The following SPG7 variants were observed in gnomAD, a reference collection of about 807,000 sequenced individuals.
SPG7 encodes SPG7 matrix AAA peptidase subunit, paraplegin.
A neutral mutation model predicts 81.9 loss-of-function variants in SPG7; 103 were observed. The ratio of observed to expected loss-of-function variants is 1.26; its 90% confidence interval spans 1.07 to 1.48. SPG7 has a LOEUF of 1.48. Among genes scored for constraint, SPG7 ranks in the 40% most tolerant of loss-of-function variants. The probability of loss-of-function intolerance (pLI) is 0.00; values close to 1 mark genes in which losing one functional copy is unlikely to be tolerated. For synonymous variants in SPG7, 534 were observed against 444.2 expected, an observed-to-expected ratio of 1.20 and a Z score of -2.54; for missense variants, 1,241 against 1,087.3, an observed-to-expected ratio of 1.14 and a Z score of -1.99.
rs1457238867 is a variant in SPG7 at position 89,508,486 on chromosome 16, G to A, written c.69G>A (p.Trp23Ter). 5 of 1,509,754 alleles carry A rather than the reference G, an allele frequency of 3.3e-6. No homozygotes were observed. The allele number at this position is 1,509,754 out of a possible 1,614,324, so 93.5% of individuals were successfully genotyped here. ...RGPGPGPRPL[W>*]GPGPAWSPGF... ...CAGGCCCGGGTCCTCGGCCGCTGTG[G>A]GGCCCAGGCCCGGCCTGGAGTCCAG... Residue 23 changes from tryptophan to a stop codon, truncating the protein, a stop_gained, in exon 1 of 17, where the codon TGG becomes TGA. Coordinates refer to ENST00000645818, the MANE Select transcript of SPG7 (RefSeq NM_003119.4). LOFTEE classifies it high-confidence loss of function.
intron 6 of SPG7, 171 bp from the exon 7 acceptor site, chr16:89,530,512 T>G (rs2058326834): frequency 2.6e-6 from 2 of 758,952 alleles, no homozygotes; most frequent in Non-Finnish European, 4.7e-6. Flanking sequence ...ATTTCCCTTC[T>G]GTGCTTGAAG....
Position 89,512,995 on chromosome 16 carries a change from G to A in SPG7, c.334G>A (p.Glu112Lys). 6.2e-7 allele frequency: 1 copy of A among 1,613,230 alleles called. No homozygotes were observed. ...NTSRLKQKNK[E>K]KDKSKGKAPE... ...CTCAAGGTTGAAGCAGAAGAATAAG[G>A]AGAAGGATAAGTCGAAGGGGAAGGC... The change falls in exon 3 of 17, where the codon GAG becomes AAG. Residue 112 changes from glutamate (E) to lysine (K), a missense_variant. Physicochemically the swap from Glu to Lys is moderately conservative, Grantham distance 56 (BLOSUM62 1). Coordinates refer to ENST00000645818, the MANE Select transcript of SPG7 (RefSeq NM_003119.4).
intron 7 of SPG7, chr16:89,531,518 C>T (rs1204733308): frequency 3.5e-6 from 1 of 284,064 alleles, no homozygotes; most frequent in Non-Finnish European, 6.9e-6. Context: ...GGATCACAGG[C>T]GCCCACCACC....
rs1482793239 is a variant in SPG7 at position 89,557,463 on chromosome 16, C to T, written c.*370C>T. The T allele has an allele frequency of 3.3e-6, 1 of 299,836 alleles. No homozygotes were observed. The highest frequency in any genetic ancestry group is 6.5e-6 in the Non-Finnish European group (1 of 154,616). The allele number at this position is 299,836 out of a possible 1,614,324, so 18.6% of individuals were successfully genotyped here. On this transcript the variant is annotated 3_prime_UTR_variant, in exon 17 of 17. Transcript: ENST00000645818. ...ACCCCTGTTCATGCCGACGCTTGCA[C>T]GACCGCCCCAGTTCCTGTGGCTCCC...
intron 11 of SPG7, 196 bp downstream of exon 11, chr16:89,546,956 C>T: frequency 5.1e-6 from 3 of 592,556 alleles, no homozygotes; most frequent in African/African-American, 1.8e-5. Flanking sequence ...GCACTCCGTC[C>T]TCCGCCCCGG....
chr16:89,538,231 G>A (rs959738128), intron 9 of SPG7: 5 of 152,132 alleles, frequency 3.3e-5, no homozygotes, highest in Non-Finnish European at 7.3e-5. Flanking sequence ...GTGCTGTCCT[G>A]GTGCGTTGAG....
chr16:89,534,857 G>A (rs188746134), intron 9 of SPG7, among the ~76,000 whole-genome samples: 5 of 152,290 alleles, frequency 3.3e-5, no homozygotes, highest in African/African-American at 9.6e-5. Context: ...CCGCCCCCCC[G>A]ATGTGGATGT....
At chr16:89,530,575 A>G in intron 6 of SPG7, 108 bp from the exon 7 acceptor site, 2 of 1,250,984 alleles carry the variant, frequency 1.6e-6, no homozygotes, top group Non-Finnish European at 2.3e-6. Context: ...GGATCCTAGG[A>G]TGGAGACGTG....
intron 9 of SPG7, chr16:89,537,533 G>A (rs190360330): frequency 2.4e-4 from 237 of 991,260 alleles, no homozygotes; most frequent in Admixed American, 2.9e-4. Context: ...TTTATGCTTC[G>A]ACTTTTTTTT....
chr16:89,554,258 T>C (rs925883896), intron 15 of SPG7, among the ~76,000 whole-genome samples: 2 of 139,806 alleles, frequency 1.4e-5, no homozygotes, highest in African/African-American at 5.2e-5. Context: ...GAAGGGCCGA[T>C]GTGTGCCTGT....
At chr16:89,543,234 A>C (rs1039592359) in intron 9 of SPG7, 3 of 150,792 alleles carry the variant, frequency 2.0e-5, no homozygotes, top group African/African-American at 4.9e-5. Flanking sequence ...GGCGTGAGCC[A>C]CCGCGCCTGG....
Position 89,536,513 on chromosome 16 carries a change from GTGAGGT to G in SPG7, c.1324+3878_1324+3883del, listed in dbSNP as rs1172861295. Among the ~76,000 whole-genome samples the G allele has an allele frequency of 1.5e-3, 95 of 64,816 alleles. 4 individuals carry two copies. The highest frequency in any genetic ancestry group is 0.013 in the Middle Eastern group (1 of 78). The allele number at this position is 64,816 out of a possible 152,430, so 42.5% of individuals were successfully genotyped here. A position where few individuals can be genotyped will look rare whatever the true frequency, so the allele number is the denominator to read the frequency against. On this transcript the variant is annotated intron_variant, in intron 9 of 16. Transcript: ENST00000645818. ...AGGTGAGGCAGGTGAGGTGAGGCGG[GTGAGGT>G]CAGGTGAGGCGGGTGAGGTCAGGTG...
intron 12 of SPG7, chr16:89,549,502 A>G (rs2058607856): frequency 5.9e-6 from 2 of 340,752 alleles, no homozygotes; most frequent in South Asian, 4.6e-5. Flanking sequence ...CTTAAAAGAA[A>G]AGAATAAAGA....
intron 1 of SPG7, among the ~76,000 whole-genome samples, chr16:89,509,655 C>G (rs951130651): frequency 1.3e-5 from 2 of 151,952 alleles, no homozygotes; most frequent in Admixed American, 6.5e-5. Flanking sequence ...AGGAGCCACT[C>G]TCTGGTGACA....
chr16:89,554,570 C>G lies in SPG7; in HGVS notation c.2181+7C>G. 1 of 1,603,936 alleles carries G rather than the reference C, an allele frequency of 6.2e-7. No individual in the cohort carries two copies. Among genetic ancestry groups the G allele is most frequent in the East Asian group, 2.2e-5 (1 of 44,830 alleles). ...CCTGGACAAGTTGCAGGCGGTGAGG[C>G]CCTGGCCAGGCGTGGGGGCTACGGC... On this transcript the variant is annotated splice_region_variant and intron_variant, in intron 16 of 16. Coordinates refer to ENST00000645818, the MANE Select transcript of SPG7 (RefSeq NM_003119.4).
chr16:89,542,238 A>G (rs977857752), intron 9 of SPG7: 29 of 152,338 alleles, frequency 1.9e-4, no homozygotes, highest in African/African-American at 6.7e-4. Context: ...CTGTATCCAC[A>G]GCCCTGGCCT....
At chr16:89,541,208 AAG>A (rs1275689088) in intron 9 of SPG7, 2 of 982,216 alleles carry the variant, frequency 2.0e-6, no homozygotes, top group African/African-American at 3.5e-5. Flanking sequence ...GCAGAAATAG[AAG>A]AGCTGAAACT....
At chr16:89,544,514 G>A (rs2058538278) in intron 9 of SPG7, 134 bp from the exon 10 acceptor site, 1 of 1,013,012 alleles carries the variant, frequency 9.9e-7, no homozygotes, top group African/African-American at 1.6e-5. Flanking sequence ...AGTTCAGAAG[G>A]ACCGGGCTGT....
intron 6 of SPG7, chr16:89,529,928 C>G (rs918053575): frequency 2.9e-6 from 1 of 343,472 alleles, no homozygotes; most frequent in Non-Finnish European, 5.7e-6. Context: ...CAACTTGCAC[C>G]TCCCGCATTC....
Sources: gnomAD v4.1 joint callset for allele counts (sites outside exome capture counted in the v4.1 genomes callset) on GRCh38, gnomAD v4.1.1 for gene constraint, MANE v1.5 for transcripts, NCBI Gene and HGNC (gene_info 2026-07-23, HGNC 2026-07-21) for gene names.